KCND3: variants seen among roughly 807,000 people sequenced by gnomAD.
KCND3 encodes potassium voltage-gated channel subfamily D member 3.
In KCND3, 9 loss-of-function variants were observed where a neutral mutation model predicts 51.1. That is an observed-to-expected ratio of 0.18 (90% CI 0.11 to 0.31). The LOEUF is 0.31. Among genes scored for constraint, KCND3 ranks in the 10% least tolerant of loss-of-function variants. KCND3 has a pLI of 1.00. For synonymous variants in KCND3, 349 were observed against 368.0 expected, an observed-to-expected ratio of 0.95 and a Z score of 0.59; for missense variants, 526 against 903.8, an observed-to-expected ratio of 0.58 and a Z score of 5.36.
intron 7 of KCND3, 32 bp downstream of exon 7, chr1:111,776,994 C>A (rs1664144881): frequency 6.2e-7 from 1 of 1,612,244 alleles, no homozygotes; most frequent in South Asian, 1.1e-5. Flanking sequence ...ATGATTCGAG[C>A]CTTTGCGGGT....
chr1:111,905,486 C>T (rs17726097), intron 2 of KCND3, among the ~76,000 whole-genome samples: 7,748 of 152,272 alleles, frequency 0.051, 235 homozygotes, highest in Non-Finnish European at 0.067. Flanking sequence ...GCTCTGGTAC[C>T]GGGTAAGGAC....
At chr1:111,903,928 T>C (rs934943625) in intron 2 of KCND3, among the ~76,000 whole-genome samples, 2 of 152,162 alleles carry the variant, frequency 1.3e-5, no homozygotes, top group African/African-American at 2.4e-5. Flanking sequence ...ATGTCCAGAC[T>C]GAGGGAGCTC....
chr1:111,861,831 G>A (rs915036254), intron 2 of KCND3, among the ~76,000 whole-genome samples: 13 of 152,318 alleles, frequency 8.5e-5, no homozygotes, highest in African/African-American at 2.6e-4. Context: ...TCAGCGGACC[G>A]CCTCCAGCAG....
chr1:111,875,225 A>T (rs2101723969), intron 2 of KCND3, among the ~76,000 whole-genome samples: 1 of 152,200 alleles, frequency 6.6e-6, no homozygotes, highest in Admixed American at 6.5e-5. Context: ...ACTTTTTTTG[A>T]TGTATTGGTT....
At chr1:111,804,803 T>C (rs1041025715) in intron 2 of KCND3, among the ~76,000 whole-genome samples, 1 of 152,252 alleles carries the variant, frequency 6.6e-6, no homozygotes, top group African/African-American at 2.4e-5. Context: ...GGTTAAATAA[T>C]AATTGCCAAA....
At chr1:111,951,448 A>G (rs1296832547) in intron 2 of KCND3, among the ~76,000 whole-genome samples, 1 of 152,162 alleles carries the variant, frequency 6.6e-6, no homozygotes, top group Admixed American at 6.5e-5. Flanking sequence ...AACTGCTTAT[A>G]ATCAGGAGAG....
chr1:111,927,208 G>A (rs191151350), intron 2 of KCND3, among the ~76,000 whole-genome samples: 3 of 152,332 alleles, frequency 2.0e-5, no homozygotes, highest in Admixed American at 1.3e-4. Context: ...TAGGACCAAC[G>A]AGATGGGGCT....
chr1:111,847,543 C>T (rs980143569), intron 2 of KCND3, among the ~76,000 whole-genome samples: 8 of 152,110 alleles, frequency 5.3e-5, no homozygotes, highest in Non-Finnish European at 1.0e-4. Context: ...ACAGTGAAGC[C>T]GTGCGTGCCC....
chr1:111,868,845 C>T (rs1668704878), intron 2 of KCND3, among the ~76,000 whole-genome samples: 1 of 152,166 alleles, frequency 6.6e-6, no homozygotes, highest in Admixed American at 6.5e-5. Flanking sequence ...ACGTGATCCT[C>T]CCATCTTAGC....
At chr1:111,936,637 C>T (rs1439836202) in intron 2 of KCND3, among the ~76,000 whole-genome samples, 2 of 130,954 alleles carry the variant, frequency 1.5e-5, no homozygotes, top group Non-Finnish European at 3.5e-5. Context: ...GCCCTGGCCA[C>T]CCTGCCAAGA....
rs971868079 is a variant in KCND3 at position 111,845,344 on chromosome 1, T to C, written c.1107-58238A>G. On this transcript the variant is annotated intron_variant, in intron 2 of 7. Transcript: ENST00000302127. ...GCAATTTAAAGGCTCCCCACAGTGC[T>C]CTCTTCTCCTACTCCATCCACTCCC... 5.9e-5 allele frequency among the ~76,000 whole-genome samples: 9 copies of C among 152,238 alleles called. No homozygotes were observed. The South Asian group carries it at 8.3e-4, about 14-fold the overall frequency.
intron 2 of KCND3, among the ~76,000 whole-genome samples, chr1:111,912,984 T>C (rs1030811355): frequency 6.6e-6 from 1 of 152,216 alleles, no homozygotes; most frequent in Non-Finnish European, 1.5e-5. Flanking sequence ...ATAAAGTCCA[T>C]ACTAGTGTAC....
chr1:111,977,556 A>G (rs1189615729), intron 2 of KCND3, among the ~76,000 whole-genome samples: 2 of 152,220 alleles, frequency 1.3e-5, no homozygotes, highest in Non-Finnish European at 2.9e-5. Context: ...TGAGACAACC[A>G]GTAGCAGTGA....
chr1:111,895,397 G>A (rs1670058891), intron 2 of KCND3, among the ~76,000 whole-genome samples: 1 of 152,184 alleles, frequency 6.6e-6, no homozygotes, highest in Non-Finnish European at 1.5e-5. Flanking sequence ...ATGGGGAGGT[G>A]GGGGAAGGGG....
rs769296234 is a variant in KCND3, at chr1:111,982,537, T to C, written c.190A>G (p.Thr64Ala). 1 of 1,607,826 alleles carries C rather than the reference T, an allele frequency of 6.2e-7. No homozygotes were observed. Among genetic ancestry groups the C allele is most frequent in the Non-Finnish European group, 8.5e-7 (1 of 1,175,028 alleles). Reference sequence around the variant, plus strand: ...TCCTTCTCCGTGCTGCCCAGCAGGGTGTCCGGGTAGCGCTCCAGCGTGGTC... The same window carrying C: ...TCCTTCTCCGTGCTGCCCAGCAGGGCGTCCGGGTAGCGCTCCAGCGTGGTC... ...WRTTLERYPD[T>A]LLGSTEKEFF... is the part of the protein sequence containing the mutation. Residue 64 changes from threonine (T) to alanine (A), a missense_variant, in exon 2 of 8, where the codon ACC becomes GCC. Thr to Ala is a moderately conservative substitution (Grantham distance 58). Transcript: ENST00000302127. The surrounding 1 kb of genome is among the most constrained non-coding windows in gnomAD (Gnocchi z 8.5).
chr1:111,884,522 C>G (rs1669481234), intron 2 of KCND3, among the ~76,000 whole-genome samples: 1 of 152,134 alleles, frequency 6.6e-6, no homozygotes, highest in Admixed American at 6.5e-5. Flanking sequence ...GGGATGTGAG[C>G]AATTCTAGGA....
intron 3 of KCND3, among the ~76,000 whole-genome samples, chr1:111,783,370 T>A (rs1197564869): frequency 6.6e-6 from 1 of 152,096 alleles, no homozygotes; most frequent in Admixed American, 6.6e-5. Context: ...GTTTCAAAAT[T>A]TGAGCAAAGC....
chr1:111,952,751 C>T (rs757764001), intron 2 of KCND3, among the ~76,000 whole-genome samples: 2 of 152,116 alleles, frequency 1.3e-5, no homozygotes, highest in South Asian at 2.1e-4. Flanking sequence ...CCCATGCTTG[C>T]CTCCTTCTTG....
In KCND3 at chr1:111,847,715, G is replaced by A. The variant is rs572436455; in HGVS notation, c.1107-60609C>T. 3.3e-4 allele frequency among the ~76,000 whole-genome samples: 50 copies of A among 152,284 alleles called. 1 individual carries two copies. The highest frequency in any genetic ancestry group is 6.8e-3 in the Middle Eastern group (2 of 294). On this transcript the variant is annotated intron_variant, in intron 2 of 7. Coordinates refer to ENST00000302127, the MANE Select transcript of KCND3 (RefSeq NM_001378969.1). ...ATCAATACAGGCCCTTCAGCACGAG[G>A]TAATGGCTGTCCTGGGCTTAATTGT...
Sources: allele counts gnomAD v4.1 joint callset (sites outside exome capture counted in the v4.1 genomes callset), GRCh38; gene constraint gnomAD v4.1.1; non-coding constraint Gnocchi (gnomAD v3.1); transcripts MANE v1.5; gene names NCBI Gene and HGNC (gene_info 2026-07-23, HGNC 2026-07-21).